COL11A2: variants seen among roughly 807,000 people sequenced by gnomAD.
The protein encoded by COL11A2 is collagen alpha-2(XI) chain.
A neutral mutation model predicts 273.4 loss-of-function variants in COL11A2; 116 were observed. The ratio of observed to expected loss-of-function variants is 0.42; its 90% CI spans 0.36 to 0.49. COL11A2 has a LOEUF of 0.49. COL11A2 is among the 20% of genes least tolerant of loss of function. The pLI is 0.00. For synonymous variants in COL11A2, 782 were observed against 864.2 expected (o/e 0.90, Z 1.67); for missense variants, 1,866 against 2,309.0 (o/e 0.81, Z 3.93).
chr6:33,192,178 G>A lies in COL11A2; in HGVS notation c.63C>T (p.Ser21=), dbSNP rs1161862605. Residue 21 remains serine (S), a synonymous_variant, in exon 1 of 66, where the codon AGC becomes AGT. Coordinates refer to ENST00000341947, the MANE Select transcript of COL11A2 (RefSeq NM_080680.3). Reference sequence around the variant, plus strand: ...TCTTACCTGCCCAGCCTGGGGCCGCGCTCAGCCCCAGCACCAGAGGTAGGA... The same window carrying A: ...TCTTACCTGCCCAGCCTGGGGCCGCACTCAGCCCCAGCACCAGAGGTAGGA... ...LLLLPLVLGL[S]AAPGWAGAPP... 3.2e-6 allele frequency: 5 copies of A among 1,562,368 alleles called. No homozygotes were observed. In the African/African-American group the frequency reaches 6.8e-5, roughly 21 times the overall value.
Position 33,171,425 on chromosome 6 carries a change from A to G in COL11A2, c.3258+42T>C, listed in dbSNP as rs372534925. ...GGGTCATGCCCAGGTCAGCCATCTC[A>G]TCTGGAAAGAAGATTGGTCGGGGTC... On this transcript the variant is annotated intron_variant, in intron 43 of 65. Coordinates refer to ENST00000341947, the MANE Select transcript of COL11A2 (RefSeq NM_080680.3). 1.8e-3 allele frequency: 2,957 copies of G among 1,610,776 alleles called. 80 individuals are homozygous for G. In the South Asian group the frequency reaches 0.031, roughly 17 times the overall value.
At position 33,174,041 on chromosome 6, in the gene COL11A2, C is replaced by A; in HGVS notation, c.2499G>T (p.Lys833Asn). Residue 833 changes from lysine (K) to asparagine (N), a missense_variant, in exon 33 of 66, where the codon AAG becomes AAT. Lys to Asn is a moderately conservative substitution (Grantham distance 94). Coordinates refer to ENST00000341947, the MANE Select transcript of COL11A2 (RefSeq NM_080680.3). ...GEKGARGLSGKSGPRGERGPT... is the reference protein window; with the variant it reads ...GEKGARGLSGNSGPRGERGPT... ...GGCCCCGTTCTCCCCGAGGCCCTGA[C>A]TTCCCCGACAGGCCCTGGTGGGAAT... 6.2e-7 allele frequency: 1 copy of A among 1,614,012 alleles called. No individual in the cohort carries two copies. Among genetic ancestry groups the A allele is most frequent in the Non-Finnish European group, 8.5e-7 (1 of 1,180,004 alleles).
Position 33,173,874 on chromosome 6 carries a change from T to G in COL11A2, c.2582A>C (p.Lys861Thr). 1 of 1,614,012 alleles carries G rather than the reference T, an allele frequency of 6.2e-7. No individual in the cohort carries two copies. Among genetic ancestry groups the G allele is most frequent in the Non-Finnish European group, 8.5e-7 (1 of 1,179,938 alleles). Residue 861 changes from lysine (K) to threonine (T), a missense_variant and splice_region_variant, in exon 34 of 66, where the codon AAG (lysine) becomes ACG (threonine). Coordinates refer to ENST00000341947, the MANE Select transcript of COL11A2 (RefSeq NM_080680.3). The surrounding 1 kb of genome is among the most constrained non-coding windows in gnomAD (Gnocchi z 6.3). Reference protein sequence around the residue: ...PRGATGKSGAKGTSGGDGPHG... With the variant: ...PRGATGKSGATGTSGGDGPHG... ...TGGAGCCTTGTAGAGACCATTCACC[T>G]TAGCTCCAGACTTCCCAGTGGCACC...
At position 33,185,712 on chromosome 6, in the gene COL11A2, G is replaced by C. The variant is rs1772325749; in HGVS notation, c.865C>G (p.Pro289Ala). ...TCCCTTGAGTTTACCTGATAATCAG[G>C]GGTTGTCCCCGTAGTCATCACATCA... ...YYDVMTTGTT[P>A]DYQDPTPGEE... Residue 289 changes from proline to alanine, a missense_variant, in exon 6 of 66, where the codon CCT (proline) becomes GCT (alanine). Physicochemically the swap from Pro to Ala is conservative, Grantham distance 27 (BLOSUM62 -1). Coordinates refer to ENST00000341947, the MANE Select transcript of COL11A2 (RefSeq NM_080680.3). The C allele has an allele frequency of 4.4e-6, 6 of 1,359,416 alleles. No homozygotes were observed. The highest frequency in any genetic ancestry group is 5.9e-6 in the Non-Finnish European group (6 of 1,015,640). 84.2% of individuals were successfully genotyped at this position (1,359,416 alleles called of 1,614,324 possible).
At chr6:33,183,892 A>G (rs1320984065) in intron 8 of COL11A2, among the ~76,000 whole-genome samples, 1 of 151,606 alleles carries the variant, frequency 6.6e-6, no homozygotes, top group African/African-American at 2.4e-5. Flanking sequence ...AAGTGGCTAC[A>G]TATTTTTTTT....
Position 33,168,940 on chromosome 6 carries a change from C to A in COL11A2, c.3852+15G>T, listed in dbSNP as rs576042973. 1.1e-5 allele frequency: 17 copies of A among 1,564,022 alleles called. No homozygotes were observed. In the East Asian group the frequency reaches 4.0e-4, roughly 37 times the overall value. The stretch of plus-strand genomic sequence containing the variant: ...CCACCCTTTTTGCCCCTTCCCTTCT[C>A]TGAGTAAGACTCACCCGAGGGCCAC... On this transcript the variant is annotated intron_variant, in intron 52 of 65. Coordinates refer to ENST00000341947, the MANE Select transcript of COL11A2 (RefSeq NM_080680.3).
At position 33,169,020 on chromosome 6, in the gene COL11A2, G is replaced by A. The variant is rs763865177; in HGVS notation, c.3799-12C>T. The A allele has an allele frequency of 6.2e-6, 10 of 1,604,240 alleles. No individual in the cohort carries two copies. The highest frequency in any genetic ancestry group is 8.5e-6 in the Non-Finnish European group (10 of 1,175,694). On this transcript the variant is annotated splice_polypyrimidine_tract_variant and intron_variant, in intron 51 of 65. Transcript: ENST00000341947. The surrounding 1 kb of genome is among the most constrained non-coding windows in gnomAD (Gnocchi z 5.5). ...AAACCAACAGGACCCTGATCCAGAT[G>A]GAGAATAAGAGTCAGGGTCACAGCT...
rs990008373 is a variant in COL11A2 at position 33,190,337 on chromosome 6, T to C, written c.83-868A>G. On this transcript the variant is annotated intron_variant, in intron 1 of 65. Coordinates refer to ENST00000341947, the MANE Select transcript of COL11A2 (RefSeq NM_080680.3). This position sits in a 1 kb window ranked among gnomAD's most constrained non-coding sequence, Gnocchi z 4.5. ...AAGCTCCCCACACCTGGAACCTCAA[T>C]CCTGTCTCACCACCCCCACCAACCC... Among the ~76,000 whole-genome samples, 4 of 151,928 alleles carry C rather than the reference T, an allele frequency of 2.6e-5. No individual in the cohort carries two copies. Among genetic ancestry groups the C allele is most frequent in the African/African-American group, 9.7e-5 (4 of 41,326 alleles).
At chr6:33,188,575 G>A (rs1583382796) in intron 3 of COL11A2, 51 bp from the exon 4 acceptor site, 1 of 1,608,470 alleles carries the variant, frequency 6.2e-7, no homozygotes, top group East Asian at 2.2e-5. Flanking sequence ...CTGAAGTAGG[G>A]GAGTCAACAT....
rs1398934546 is a variant in COL11A2 at position 33,173,740 on chromosome 6, T to G, written c.2589A>C (p.Thr863=). The part of the protein sequence containing the change: ...GATGKSGAKG[T]SGGDGPHGPP... ...GCCCATGGGGGCCATCACCACCAGA[T>G]GTTCCCTGTGGGGGGAAACAGAGTC... The change falls in exon 35 of 66, where the codon ACA becomes ACC. Residue 863 remains threonine, a synonymous_variant. Transcript: ENST00000341947. This position sits in a 1 kb window ranked among gnomAD's most constrained non-coding sequence, Gnocchi z 6.3. The G allele has an allele frequency of 1.1e-5, 17 of 1,590,434 alleles. No homozygotes were observed. The highest frequency in any genetic ancestry group is 1.5e-5 in the Non-Finnish European group (17 of 1,166,124).
Position 33,169,452 on chromosome 6 carries a change from C to G in COL11A2, c.3729G>C (p.Gly1243=), listed in dbSNP as rs1395049976. 6.2e-7 allele frequency: 1 copy of G among 1,612,878 alleles called. No individual in the cohort carries two copies. Among genetic ancestry groups the G allele is most frequent in the African/African-American group, 1.3e-5 (1 of 74,924 alleles). ...RGERGEKGES[G]QPGEPGPPGP... is the part of the protein sequence containing the mutation. ...CTGGTGGCCCTGGCTCTCCTGGCTG[C>G]CCCGACTCTCCTTTCTCTCCACGTT... is the stretch of plus-strand genomic sequence containing the variant. Residue 1243 remains glycine (G), a synonymous_variant, in exon 51 of 66, where the codon GGG becomes GGC. Coordinates refer to ENST00000341947, the MANE Select transcript of COL11A2 (RefSeq NM_080680.3). This position sits in a 1 kb window ranked among gnomAD's most constrained non-coding sequence, Gnocchi z 5.5.
Position 33,166,199 on chromosome 6 carries a change from G to T in COL11A2, c.4400C>A (p.Ala1467Asp), listed in dbSNP as rs1769113077. The T allele has an allele frequency of 6.2e-7, 1 of 1,601,544 alleles. No individual in the cohort carries two copies. The highest frequency in any genetic ancestry group is 8.5e-7 in the Non-Finnish European group (1 of 1,174,844). Residue 1467 changes from alanine to aspartate, a missense_variant, in exon 61 of 66, where the codon GCT becomes GAT. Coordinates refer to ENST00000341947, the MANE Select transcript of COL11A2 (RefSeq NM_080680.3). The surrounding 1 kb of genome is among the most constrained non-coding windows in gnomAD (Gnocchi z 4.8). The stretch of plus-strand genomic sequence containing the variant: ...GGCTCCTTTGGCTCCTTTGGGGCCA[G>T]CAGGTCCCTGTGAAATGAGGAACAA... The part of the protein sequence containing the change: ...PGGPPGLPGP[A>D]GPKGAKGATG...
chr6:33,181,181 C>T lies in COL11A2; in HGVS notation c.1120-11G>A. 6.2e-7 allele frequency: 1 copy of T among 1,614,162 alleles called. No individual in the cohort carries two copies. Among genetic ancestry groups the T allele is most frequent in the Admixed American group, 1.7e-5 (1 of 60,034 alleles). On this transcript the variant is annotated splice_polypyrimidine_tract_variant and intron_variant, in intron 8 of 65. Coordinates refer to ENST00000341947, the MANE Select transcript of COL11A2 (RefSeq NM_080680.3). ...GGGTCCATGGGCAGCCTGAAGGAGA[C>T]ACACATGTAGCCCCCAGTGGGGCCC...
chr6:33,172,227 C>CGG (rs532912838), intron 40 of COL11A2, 62 bp downstream of exon 40: 82 of 1,314,900 alleles, frequency 6.2e-5, no homozygotes, highest in African/African-American at 5.5e-4. Context: ...GGGACAGGGT[C>CGG]GGGGTGGGGA....
chr6:33,178,337 T>C lies in COL11A2; in HGVS notation c.1789A>G (p.Ile597Val). Reference protein sequence around the residue: ...EDGERGDDGEIGPRGLPGESG... With the variant: ...EDGERGDDGEVGPRGLPGESG... ...TCTCCAGGCAGCCCTCGAGGCCCAA[T>C]CTCCCCGTCATCTCCCTGGAGGAGG... The change falls in exon 20 of 66, where the codon ATT becomes GTT. Residue 597 changes from isoleucine to valine, a missense_variant. Coordinates refer to ENST00000341947, the MANE Select transcript of COL11A2 (RefSeq NM_080680.3). The surrounding 1 kb of genome is among the most constrained non-coding windows in gnomAD (Gnocchi z 4.6). The C allele has an allele frequency of 6.2e-7, 1 of 1,612,114 alleles. No individual in the cohort carries two copies. The highest frequency in any genetic ancestry group is 8.5e-7 in the Non-Finnish European group (1 of 1,179,762).
rs2229786 is a variant in COL11A2, at chr6:33,177,217, G to C, written c.1980C>G (p.Pro660=). 7 of 1,612,876 alleles carry C rather than the reference G, an allele frequency of 4.3e-6. No individual in the cohort carries two copies. The African/African-American group carries it at 9.3e-5, about 22-fold the overall frequency. The change falls in exon 24 of 66, where the codon CCC becomes CCG. Residue 660 remains proline (P), a synonymous_variant. Coordinates refer to ENST00000341947, the MANE Select transcript of COL11A2 (RefSeq NM_080680.3). This position sits in a 1 kb window ranked among gnomAD's most constrained non-coding sequence, Gnocchi z 5.9. ...QQGTPGTQGL[P]GPQGAIGPHG... is the part of the protein sequence containing the mutation. ...GAGGGCCGATGGCACCCTGGGGCCC[G>C]GGAAGACCCTACATACAGGGAAAGA...
rs764177303 is a variant in COL11A2 at position 33,181,117 on chromosome 6, C to T, written c.1173G>A (p.Leu391=). The T allele has an allele frequency of 2.5e-6, 4 of 1,614,128 alleles. No individual in the cohort carries two copies. Among genetic ancestry groups the T allele is most frequent in the Middle Eastern group, 1.6e-4 (1 of 6,062 alleles). The stretch of plus-strand genomic sequence containing the variant: ...TGTGACCAGCATAACTTACAGGTTC[C>T]AACACTGCAGGCTCTCCTTTCTCTC... The part of the protein sequence containing the change: ...LKGEKGEPAV[L]EPGMLVEGPP... The change falls in exon 9 of 66, where the codon TTG becomes TTA. Residue 391 remains leucine, a synonymous_variant. Transcript: ENST00000341947.
Position 33,176,053 on chromosome 6 carries a change from G to A in COL11A2, c.2231C>T (p.Pro744Leu). ...CACGCCTATGTCACCTTTGAACCCA[G>A]GAAAGCCATCCTCACCCTGAGAAAG... is the stretch of plus-strand genomic sequence containing the variant. Reference protein sequence around the residue: ...HKGEKGEDGFPGFKGDIGVKG... With the variant: ...HKGEKGEDGFLGFKGDIGVKG... The change falls in exon 29 of 66, where the codon CCT becomes CTT. Residue 744 changes from proline to leucine, a missense_variant. By Grantham distance (98) the Pro-to-Leu change is moderately conservative. Transcript: ENST00000341947. This position sits in a 1 kb window ranked among gnomAD's most constrained non-coding sequence, Gnocchi z 4.9. 1 of 1,613,018 alleles carries A rather than the reference G, an allele frequency of 6.2e-7. No individual in the cohort carries two copies. The highest frequency in any genetic ancestry group is 8.5e-7 in the Non-Finnish European group (1 of 1,180,020).
At position 33,165,441 on chromosome 6, in the gene COL11A2, C is replaced by A; in HGVS notation, c.4750+108G>T. On this transcript the variant is annotated intron_variant, in intron 63 of 65. Coordinates refer to ENST00000341947, the MANE Select transcript of COL11A2 (RefSeq NM_080680.3). This position sits in a 1 kb window ranked among gnomAD's most constrained non-coding sequence, Gnocchi z 7.7. Reference sequence around the variant, plus strand: ...AGCTGCAGTTCCCAGCCCCTCAGCCCTCACCCTTAACCCAACACCTTCACC... The same window carrying A: ...AGCTGCAGTTCCCAGCCCCTCAGCCATCACCCTTAACCCAACACCTTCACC... 1 of 1,546,540 alleles carries A rather than the reference C, an allele frequency of 6.5e-7. No individual in the cohort carries two copies. Among genetic ancestry groups the A allele is most frequent in the East Asian group, 2.3e-5 (1 of 44,424 alleles).
Sources: allele counts gnomAD v4.1 joint callset (sites outside exome capture counted in the v4.1 genomes callset), GRCh38; gene constraint gnomAD v4.1.1; non-coding constraint Gnocchi (gnomAD v3.1); transcripts MANE v1.5; gene names NCBI Gene and HGNC (gene_info 2026-07-23, HGNC 2026-07-21).